Variants in CUL1 observed in about 807,000 individuals in gnomAD.
CUL1 encodes the protein cullin 1.
A neutral mutation model predicts 118.0 loss-of-function variants in CUL1; 24 were observed. The ratio of observed to expected loss-of-function variants is 0.20; its 90% confidence interval spans 0.15 to 0.29. The LOEUF is 0.29. Ranked by LOEUF, CUL1 falls within the 10% of genes least tolerant of loss-of-function variation. CUL1 has a pLI of 1.00. For missense variants in CUL1, 361 were observed against 933.8 expected (o/e 0.39, Z 7.99); for synonymous variants, 332 against 340.4 (o/e 0.98, Z 0.27).
intron 2 of CUL1, among the ~76,000 whole-genome samples, chr7:148,741,839 G>T (rs763873121): frequency 6.6e-6 from 1 of 152,248 alleles, no homozygotes; most frequent in Non-Finnish European, 1.5e-5. Flanking sequence ...CCCCCAAAGT[G>T]CTGGGATTGC....
intron 1 of CUL1, among the ~76,000 whole-genome samples, chr7:148,710,293 G>T (rs898773416): frequency 8.5e-6 from 1 of 117,868 alleles, no homozygotes; most frequent in Non-Finnish European, 1.7e-5. Flanking sequence ...AATACCAGTG[G>T]GCCGGGCGCG....
At chr7:148,758,121 C>T (rs1467014519) in intron 4 of CUL1, among the ~76,000 whole-genome samples, 1 of 152,180 alleles carries the variant, frequency 6.6e-6, no homozygotes, top group African/African-American at 2.4e-5. Flanking sequence ...AGATGGGGCC[C>T]AGCAATGTTT....
At chr7:148,786,927 A>G (rs67104604) in intron 12 of CUL1, 62 bp from the exon 13 acceptor site, 112,393 of 1,562,694 alleles carry the variant, frequency 0.072, 4,587 homozygotes, top group African/African-American at 0.14. Context: ...GGTGACAGTC[A>G]GCTCTGCACT....
chr7:148,773,835 C>T (rs1162951505), intron 9 of CUL1, among the ~76,000 whole-genome samples: 1 of 152,184 alleles, frequency 6.6e-6, no homozygotes, highest in East Asian at 1.9e-4. Context: ...AGCATCTCCC[C>T]CTTGAAATAA....
intron 1 of CUL1, among the ~76,000 whole-genome samples, chr7:148,711,520 A>G (rs942582207): frequency 1.3e-5 from 2 of 152,214 alleles, no homozygotes; most frequent in South Asian, 4.1e-4. Context: ...TTAAAACAAA[A>G]AACATAAAAG....
In CUL1 at chr7:148,794,245, A is replaced by G. The variant is rs11976339; in HGVS notation, c.1899+1427A>G. Among the ~76,000 whole-genome samples, 1,394 of 151,250 alleles carry G rather than the reference A, an allele frequency of 9.2e-3. 16 individuals carry two copies. Among genetic ancestry groups the G allele is most frequent in the African/African-American group, 0.032 (1,314 of 41,168 alleles). ...CACATTTTTAATTTTGATGAAGCCTATTTTATCTATTTTTTCTTTATATTG... is the reference window on the plus strand; with the variant it reads ...CACATTTTTAATTTTGATGAAGCCTGTTTTATCTATTTTTTCTTTATATTG... On this transcript the variant is annotated intron_variant, in intron 17 of 21. Coordinates refer to ENST00000325222, the MANE Select transcript of CUL1 (RefSeq NM_003592.3).
chr7:148,788,937 T>C (rs1800913330), intron 14 of CUL1, among the ~76,000 whole-genome samples: 1 of 151,808 alleles, frequency 6.6e-6, no homozygotes, highest in Non-Finnish European at 1.5e-5. Flanking sequence ...ACAGGCGTGG[T>C]TTTGTCTTGT....
At chr7:148,704,695 A>G (rs535098417) in intron 1 of CUL1, among the ~76,000 whole-genome samples, 1 of 152,380 alleles carries the variant, frequency 6.6e-6, no homozygotes, top group Non-Finnish European at 1.5e-5. Flanking sequence ...TGTAAGTAAT[A>G]GCTAAACTTT....
At chr7:148,796,111 G>A (rs1801190048) in intron 17 of CUL1, among the ~76,000 whole-genome samples, 1 of 152,172 alleles carries the variant, frequency 6.6e-6, no homozygotes, top group African/African-American at 2.4e-5. Flanking sequence ...AAGAGTGATG[G>A]TGTTAGCTGT....
intron 1 of CUL1, among the ~76,000 whole-genome samples, chr7:148,723,544 A>G (rs769222560): frequency 7.2e-5 from 11 of 152,224 alleles, no homozygotes; most frequent in Non-Finnish European, 1.0e-4. Flanking sequence ...CACTCAAGTA[A>G]GCAAAAAGTA....
At chr7:148,792,962 C>T (rs1801067545) in intron 17 of CUL1, 144 bp downstream of exon 17, 1 of 588,826 alleles carries the variant, frequency 1.7e-6, no homozygotes, top group Non-Finnish European at 2.9e-6. Context: ...TGGCCTTATT[C>T]CAGGATTTTA....
intron 7 of CUL1, among the ~76,000 whole-genome samples, chr7:148,763,022 C>T (rs190638189): frequency 4.5e-4 from 69 of 152,258 alleles, no homozygotes; most frequent in African/African-American, 1.6e-3. Flanking sequence ...TGGCGGACGC[C>T]TGTTATCCCA....
At chr7:148,771,912 C>CA (rs1199648826) in intron 9 of CUL1, among the ~76,000 whole-genome samples, 3 of 152,166 alleles carry the variant, frequency 2.0e-5, no homozygotes, top group Admixed American at 2.0e-4. Flanking sequence ...ACCATTCCTT[C>CA]ACGTGGTCAT....
At chr7:148,750,375 G>T (rs1799448695) in intron 2 of CUL1, among the ~76,000 whole-genome samples, 1 of 150,242 alleles carries the variant, frequency 6.7e-6, no homozygotes, top group Non-Finnish European at 1.5e-5. Flanking sequence ...AGGTATACAT[G>T]TGTCATGTTG....
intron 14 of CUL1, among the ~76,000 whole-genome samples, chr7:148,789,358 G>A (rs532359064): frequency 7.9e-5 from 12 of 152,190 alleles, no homozygotes; most frequent in South Asian, 2.1e-4. Context: ...TGAAGTTAGC[G>A]GTTTTCTCCT....
chr7:148,778,022 C>T (rs6958499), intron 9 of CUL1, among the ~76,000 whole-genome samples: 11,841 of 140,332 alleles, frequency 0.084, 611 homozygotes, highest in African/African-American at 0.14. Flanking sequence ...GAGATCATGC[C>T]ACTGCACTCC....
At chr7:148,778,103 A>AAAAAG (rs1563166664) in intron 9 of CUL1, among the ~76,000 whole-genome samples, 1 of 147,512 alleles carries the variant, frequency 6.8e-6, no homozygotes, top group Non-Finnish European at 1.5e-5. Flanking sequence ...AAAAAGAAGA[A>AAAAAG]GAAGAAGAAT....
At chr7:148,761,127 A>G (rs1328000322) in intron 7 of CUL1, among the ~76,000 whole-genome samples, 1 of 152,188 alleles carries the variant, frequency 6.6e-6, no homozygotes, top group African/African-American at 2.4e-5. Flanking sequence ...TGGGCCTCCG[A>G]AAGTGCTGGG....
chr7:148,735,068 A>T (rs1249616730), intron 2 of CUL1, among the ~76,000 whole-genome samples: 1 of 152,164 alleles, frequency 6.6e-6, no homozygotes, highest in African/African-American at 2.4e-5. Flanking sequence ...AATCTCATTC[A>T]TATTTGAGAA....
Sources: allele counts gnomAD v4.1 joint callset (sites outside exome capture counted in the v4.1 genomes callset), GRCh38; gene constraint gnomAD v4.1.1; transcripts MANE v1.5; gene names NCBI Gene and HGNC (gene_info 2026-07-23, HGNC 2026-07-21).